The following TMPRSS11F variants were observed in gnomAD, a reference collection of about 807,000 sequenced individuals.
The protein encoded by TMPRSS11F is transmembrane serine protease 11F.
A neutral mutation model predicts 60.2 loss-of-function variants in TMPRSS11F; 47 were observed. The observed-to-expected ratio is 0.78, with a 90% CI of 0.62 to 1.00. The LOEUF (loss-of-function observed/expected upper bound fraction) is 1.00. Among genes scored for constraint, TMPRSS11F ranks in the 50% least tolerant of loss-of-function variants. The pLI, the probability that TMPRSS11F is intolerant of heterozygous loss-of-function variation, is 0.00. For synonymous variants in TMPRSS11F, 166 were observed against 167.3 expected (o/e 0.99, Z 0.06); for missense variants, 519 against 522.9 (o/e 0.99, Z 0.07).
At chr4:68,103,439 C>T (rs1297128646) in intron 1 of TMPRSS11F, among the ~76,000 whole-genome samples, 1 of 51,480 alleles carries the variant, frequency 1.9e-5, no homozygotes, top group Non-Finnish European at 4.8e-5. Flanking sequence ...GAGTGAGACC[C>T]TGTCTCAAAA....
chr4:68,118,408 G>T (rs542512792), intron 1 of TMPRSS11F, among the ~76,000 whole-genome samples: 5 of 151,866 alleles, frequency 3.3e-5, no homozygotes, highest in Non-Finnish European at 7.4e-5. Flanking sequence ...GTTCAAACAA[G>T]GACTTTTGTA....
chr4:68,106,296 T>C (rs1724301246), intron 1 of TMPRSS11F, among the ~76,000 whole-genome samples: 1 of 152,098 alleles, frequency 6.6e-6, no homozygotes, highest in African/African-American at 2.4e-5. Flanking sequence ...ATTGGCAATA[T>C]TGGAAAGCAT....
chr4:68,114,141 T>C (rs890520583), intron 1 of TMPRSS11F, among the ~76,000 whole-genome samples: 5 of 151,956 alleles, frequency 3.3e-5, no homozygotes, highest in Admixed American at 1.3e-4. Flanking sequence ...TTTATAGATT[T>C]AAATTCTTAA....
At chr4:68,114,624 C>T (rs753767204) in intron 1 of TMPRSS11F, among the ~76,000 whole-genome samples, 10 of 151,538 alleles carry the variant, frequency 6.6e-5, no homozygotes, top group Non-Finnish European at 1.3e-4. Context: ...AAAGGAAATG[C>T]TTCCAATTTT....
At chr4:68,083,099 C>T (rs1167949513) in intron 3 of TMPRSS11F, among the ~76,000 whole-genome samples, 1 of 152,196 alleles carries the variant, frequency 6.6e-6, no homozygotes, top group Non-Finnish European at 1.5e-5. Context: ...CATGACAACA[C>T]CACCCTGCCC....
chr4:68,088,480 T>A (rs1391936544), intron 3 of TMPRSS11F, among the ~76,000 whole-genome samples: 2 of 151,430 alleles, frequency 1.3e-5, no homozygotes, highest in Non-Finnish European at 2.9e-5. Flanking sequence ...ATTAGACAGA[T>A]CAACGAGACA....
chr4:68,116,614 CA>C, intron 1 of TMPRSS11F, among the ~76,000 whole-genome samples: 1 of 152,204 alleles, frequency 6.6e-6, no homozygotes, highest in South Asian at 2.1e-4. Flanking sequence ...CCATAGTAAT[CA>C]AAACAATATG....
rs1371744099 is a variant in TMPRSS11F at position 68,053,970 on chromosome 4, G to A, written c.1256C>T (p.Pro419Leu). The change falls in exon 10 of 10, where the codon CCT becomes CTT. Residue 419 changes from proline (P) to leucine (L), a missense_variant. Pro to Leu is a moderately conservative substitution (Grantham distance 98). Transcript: ENST00000356291. ...CTTAGTTACTCTGGTGTAGACTCCAGGTTTTTTGGGAAGTGCACATGATTG... is the reference window on the plus strand; with the variant it reads ...CTTAGTTACTCTGGTGTAGACTCCAAGTTTTTTGGGAAGTGCACATGATTG... ...WGQSCALPKK[P>L]GVYTRVTKYR... The A allele has an allele frequency of 6.2e-7, 1 of 1,613,646 alleles. No individual in the cohort carries two copies. The highest frequency in any genetic ancestry group is 1.3e-5 in the African/African-American group (1 of 75,002).
intron 1 of TMPRSS11F, among the ~76,000 whole-genome samples, chr4:68,104,807 C>T (rs1044382211): frequency 6.6e-6 from 1 of 152,134 alleles, no homozygotes; most frequent in Non-Finnish European, 1.5e-5. Flanking sequence ...TGATGCATCA[C>T]ATTGATTGAT....
chr4:68,062,811 CT>C (rs1334412274), intron 8 of TMPRSS11F: 2 of 755,856 alleles, frequency 2.6e-6, no homozygotes, highest in Non-Finnish European at 4.9e-6. Context: ...TTGGACATCT[CT>C]TGATCCGTGG....
At chr4:68,085,874 C>T (rs1723802096) in intron 3 of TMPRSS11F, among the ~76,000 whole-genome samples, 2 of 152,154 alleles carry the variant, frequency 1.3e-5, no homozygotes, top group Non-Finnish European at 2.9e-5. Context: ...CACTCAGATT[C>T]ATAAAACAAG....
In TMPRSS11F at chr4:68,100,074, T is replaced by C. The variant is rs112715166; in HGVS notation, c.12-1036A>G. Reference sequence around the variant, plus strand: ...AAAAAAAAGGACAGAGAAAATAGCATGTGGGGCGTTGGGGGGAAGGGAGGA... The same window carrying C: ...AAAAAAAAGGACAGAGAAAATAGCACGTGGGGCGTTGGGGGGAAGGGAGGA... On this transcript the variant is annotated intron_variant, in intron 1 of 9. Transcript: ENST00000356291. Among the ~76,000 whole-genome samples the C allele has an allele frequency of 3.0e-3, 445 of 147,868 alleles. 5 individuals are homozygous for C. Among genetic ancestry groups the C allele is most frequent in the African/African-American group, 0.011 (431 of 40,500 alleles).
At chr4:68,112,118 T>C (rs1724419576) in intron 1 of TMPRSS11F, among the ~76,000 whole-genome samples, 1 of 152,178 alleles carries the variant, frequency 6.6e-6, no homozygotes. Flanking sequence ...TACTGTCTAC[T>C]GAATCAAGCA....
chr4:68,075,986 C>G (rs1199574727), intron 3 of TMPRSS11F, among the ~76,000 whole-genome samples: 2 of 150,136 alleles, frequency 1.3e-5, no homozygotes. Context: ...GAGTGAGACT[C>G]TGTCTCCAAA....
chr4:68,115,166 G>A (rs541920852), intron 1 of TMPRSS11F, among the ~76,000 whole-genome samples: 13 of 151,178 alleles, frequency 8.6e-5, no homozygotes, highest in East Asian at 1.9e-4. Context: ...TGGCTAATAC[G>A]GTGAAACCTC....
chr4:68,100,216 T>A (rs530150660), intron 1 of TMPRSS11F, among the ~76,000 whole-genome samples: 28 of 152,274 alleles, frequency 1.8e-4, no homozygotes, highest in African/African-American at 6.7e-4. Context: ...TTCACAAGAC[T>A]GCAATTCTGG....
chr4:68,069,743 T>C (rs1203223331), intron 6 of TMPRSS11F, among the ~76,000 whole-genome samples: 1 of 152,112 alleles, frequency 6.6e-6, no homozygotes, highest in East Asian at 1.9e-4. Context: ...GTAAGGTGTT[T>C]TTAACCACAT....
chr4:68,123,464 T>C (rs936793548), intron 1 of TMPRSS11F, among the ~76,000 whole-genome samples: 3 of 152,174 alleles, frequency 2.0e-5, no homozygotes, highest in Non-Finnish European at 4.4e-5. Context: ...CCTGATAATA[T>C]CCGAAGAGCC....
intron 3 of TMPRSS11F, 133 bp downstream of exon 3, chr4:68,090,390 C>A: frequency 6.0e-6 from 8 of 1,326,518 alleles, no homozygotes; most frequent in Non-Finnish European, 6.9e-6. Flanking sequence ...ATCCTCACAA[C>A]TGTATGACTT....
Sources: gnomAD v4.1 joint callset for allele counts (sites outside exome capture counted in the v4.1 genomes callset) on GRCh38, gnomAD v4.1.1 for gene constraint, MANE v1.5 for transcripts, NCBI Gene and HGNC (gene_info 2026-07-23, HGNC 2026-07-21) for gene names.